BPIFC: variants seen among roughly 807,000 people sequenced by gnomAD.
BPIFC encodes the protein BPI fold-containing family C protein.
In BPIFC, 60 loss-of-function variants were observed where a neutral mutation model predicts 57.6. The ratio of observed to expected loss-of-function variants is 1.04; its 90% CI spans 0.85 to 1.29. The LOEUF is 1.29. Among genes scored for constraint, BPIFC ranks in the 50% most tolerant of loss-of-function variants. The probability of loss-of-function intolerance (pLI) is 0.00; values close to 1 mark genes in which losing one functional copy is unlikely to be tolerated. For synonymous variants in BPIFC, 243 were observed against 224.5 expected (o/e 1.08, Z -0.74); for missense variants, 581 against 600.5 (o/e 0.97, Z 0.34).
chr22:32,453,942 C>CA lies in BPIFC; in HGVS notation c.125-440dup, dbSNP rs34168726. 2.9e-3 allele frequency among the ~76,000 whole-genome samples: 425 copies of CA among 146,086 alleles called. 2 individuals carry two copies. Among genetic ancestry groups the CA allele is most frequent in the African/African-American group, 8.6e-3 (337 of 39,250 alleles). On this transcript the variant is annotated intron_variant, in intron 3 of 16. Coordinates refer to ENST00000300399, the MANE Select transcript of BPIFC (RefSeq NM_174932.3). ...CAAAAACAAACAACAACAACAACAA[C>CA]AAAAAAAAAAATTAAAAAATTAGCT... is the stretch of plus-strand genomic sequence containing the variant.
Position 32,435,897 on chromosome 22 carries a change from A to G in BPIFC, c.748-17T>C. On this transcript the variant is annotated splice_polypyrimidine_tract_variant and intron_variant, in intron 9 of 16. Transcript: ENST00000300399. The stretch of plus-strand genomic sequence containing the variant: ...GAATACACCCTGTGGGAAAAGAGAG[A>G]GAAAGACCAGTGTATCAGGTGAAAA... The G allele has an allele frequency of 6.2e-7, 1 of 1,603,910 alleles. No individual in the cohort carries two copies. The highest frequency in any genetic ancestry group is 1.3e-5 in the African/African-American group (1 of 74,210).
intron 14 of BPIFC, 127 bp downstream of exon 14, chr22:32,419,235 T>G (rs914377395): frequency 2.0e-6 from 2 of 1,005,352 alleles, no homozygotes; most frequent in African/African-American, 3.3e-5. Flanking sequence ...AATTTCAAAG[T>G]TAAGTCCTAC....
chr22:32,439,494 A>G (rs998457286), intron 8 of BPIFC, among the ~76,000 whole-genome samples: 4 of 152,200 alleles, frequency 2.6e-5, no homozygotes, highest in Non-Finnish European at 5.9e-5. Context: ...AAGTTACCTG[A>G]GCATCATGTC....
intron 2 of BPIFC, among the ~76,000 whole-genome samples, chr22:32,459,370 A>C (rs996215923): frequency 1.3e-5 from 2 of 152,140 alleles, no homozygotes; most frequent in Non-Finnish European, 2.9e-5. Flanking sequence ...CTCTACAAAA[A>C]ATAAAAAATA....
intron 4 of BPIFC, among the ~76,000 whole-genome samples, chr22:32,448,137 C>T (rs751168095): frequency 2.0e-5 from 3 of 151,314 alleles, no homozygotes; most frequent in Non-Finnish European, 4.4e-5. Context: ...GGCACGATCT[C>T]AGCTCACTGC....
intron 13 of BPIFC, 109 bp from the exon 14 acceptor site, chr22:32,419,513 A>AC (rs1933774940): frequency 6.9e-6 from 8 of 1,153,618 alleles, no homozygotes; most frequent in African/African-American, 1.6e-5. Context: ...TTTAAAAAAA[A>AC]ACACACAAGG....
At chr22:32,451,084 G>A (rs1285384814) in intron 4 of BPIFC, among the ~76,000 whole-genome samples, 1 of 152,234 alleles carries the variant, frequency 6.6e-6, no homozygotes, top group African/African-American at 2.4e-5. Flanking sequence ...CCTGTGGCTA[G>A]TGGCTACTGT....
chr22:32,454,480 T>C (rs879896009), intron 3 of BPIFC, among the ~76,000 whole-genome samples: 1 of 152,218 alleles, frequency 6.6e-6, no homozygotes, highest in African/African-American at 2.4e-5. Context: ...CTTCTTTATA[T>C]GGAAGCATCA....
At chr22:32,424,244 T>C (rs549544986) in intron 13 of BPIFC, among the ~76,000 whole-genome samples, 2 of 152,180 alleles carry the variant, frequency 1.3e-5, no homozygotes, top group Admixed American at 1.3e-4. Context: ...GTGGCAGAGG[T>C]AGAATTCAAA....
chr22:32,419,473 A>G, intron 13 of BPIFC, 69 bp from the exon 14 acceptor site: 4 of 1,417,136 alleles, frequency 2.8e-6, no homozygotes, highest in Middle Eastern at 1.8e-4. Context: ...ACCAAAAAGT[A>G]AAAGGATATT....
At position 32,433,937 on chromosome 22, in the gene BPIFC, C is replaced by T. The variant is rs117942518; in HGVS notation, c.925-165G>A. Among the ~76,000 whole-genome samples, 46 of 152,158 alleles carry T rather than the reference C, an allele frequency of 3.0e-4. No individual in the cohort carries two copies. The East Asian group carries it at 5.6e-3, about 19-fold the overall frequency. On this transcript the variant is annotated intron_variant, in intron 10 of 16. Transcript: ENST00000300399. ...ATTTTATAGCCCAATCATAGGGAATCCGAGGCTCAGAGAAGTAAAGTGACT... is the reference window on the plus strand; with the variant it reads ...ATTTTATAGCCCAATCATAGGGAATTCGAGGCTCAGAGAAGTAAAGTGACT...
intron 5 of BPIFC, 87 bp from the exon 6 acceptor site, chr22:32,446,083 C>T (rs1934721248): frequency 6.7e-7 from 1 of 1,486,328 alleles, no homozygotes; most frequent in Non-Finnish European, 9.1e-7. Context: ...ACTCTAAGCT[C>T]CTGGACTGCA....
intron 3 of BPIFC, among the ~76,000 whole-genome samples, chr22:32,457,041 G>A (rs2145967645): frequency 6.6e-6 from 1 of 152,324 alleles, no homozygotes; most frequent in East Asian, 1.9e-4. Flanking sequence ...GAGAGACAAT[G>A]AGAATCTGTG....
At chr22:32,431,511 T>TC in intron 12 of BPIFC, 97 bp from the exon 13 acceptor site, 1 of 809,312 alleles carries the variant, frequency 1.2e-6, no homozygotes, top group Non-Finnish European at 2.0e-6. Flanking sequence ...AGCCCAACAT[T>TC]CCCCCTTAGT....
chr22:32,445,822 A>C lies in BPIFC; in HGVS notation c.530+19T>G, dbSNP rs1428497396. 1.2e-6 allele frequency: 2 copies of C among 1,612,486 alleles called. No homozygotes were observed. Among genetic ancestry groups the C allele is most frequent in the Non-Finnish European group, 1.7e-6 (2 of 1,179,540 alleles). The stretch of plus-strand genomic sequence containing the variant: ...CCAGCCCCTAACTAGCCACTGCCCA[A>C]CCCAGGGCTCTCATTCACCTGAGTT... On this transcript the variant is annotated intron_variant, in intron 6 of 16. Coordinates refer to ENST00000300399, the MANE Select transcript of BPIFC (RefSeq NM_174932.3).
At position 32,444,018 on chromosome 22, in the gene BPIFC, C is replaced by T. The variant is rs1005092297; in HGVS notation, c.595-1287G>A. Among the ~76,000 whole-genome samples, 4 of 152,202 alleles carry T rather than the reference C, an allele frequency of 2.6e-5. No individual in the cohort carries two copies. The South Asian group carries it at 8.3e-4, about 31-fold the overall frequency. ...GAACTCAGTTTACACAGCTAGACAG[C>T]TGTGGTCTCAGCATTCTTTTCTATC... is the stretch of plus-strand genomic sequence containing the variant. On this transcript the variant is annotated intron_variant, in intron 7 of 16. Coordinates refer to ENST00000300399, the MANE Select transcript of BPIFC (RefSeq NM_174932.3).
At chr22:32,423,621 T>G (rs1933912568) in intron 13 of BPIFC, among the ~76,000 whole-genome samples, 1 of 137,108 alleles carries the variant, frequency 7.3e-6, no homozygotes, top group African/African-American at 2.9e-5. Context: ...GGATGTGTGT[T>G]GATGGTGGAG....
At chr22:32,424,681 T>TTCTTCTTCTTCTTCTTCC (rs1933981285) in intron 13 of BPIFC, among the ~76,000 whole-genome samples, 4 of 72,730 alleles carry the variant, frequency 5.5e-5, no homozygotes, top group African/African-American at 1.1e-4. Context: ...CTTCTTCTTC[T>TTCTTCTTCTTCTTCTTCC]TCTTCTTCTT....
rs968894467 is a variant in BPIFC, at chr22:32,458,044, A to G, written c.1-658T>C. Among the ~76,000 whole-genome samples the G allele has an allele frequency of 2.0e-5, 3 of 152,116 alleles. No individual in the cohort carries two copies. The East Asian group carries it at 5.8e-4, about 29-fold the overall frequency. On this transcript the variant is annotated intron_variant, in intron 2 of 16. Transcript: ENST00000300399. ...CAGCCAGAGTGAGCCTCTTAAAATG[A>G]AAGTTAGATCATGTTACTCCCCACC...
Sources: allele counts gnomAD v4.1 joint callset (sites outside exome capture counted in the v4.1 genomes callset), GRCh38; gene constraint gnomAD v4.1.1; transcripts MANE v1.5; gene names NCBI Gene and HGNC (gene_info 2026-07-23, HGNC 2026-07-21).